The following SUPT3H variants were observed in gnomAD, a reference collection of about 807,000 sequenced individuals.
The protein encoded by SUPT3H is transcription initiation protein SPT3 homolog.
A neutral mutation model predicts 44.3 loss-of-function variants in SUPT3H; 44 were observed. The observed-to-expected ratio is 0.99, with a 90% confidence interval of 0.78 to 1.28. SUPT3H has a LOEUF of 1.28. Ranked by LOEUF, SUPT3H falls within the 50% of genes most tolerant of loss-of-function variation. SUPT3H has a pLI of 0.00. For missense variants in SUPT3H, 380 were observed against 387.1 expected (o/e 0.98, Z 0.15); for synonymous variants, 124 against 125.6 (o/e 0.99, Z 0.09).
intron 5 of SUPT3H, 67 bp downstream of exon 5, chr6:45,014,734 T>A: frequency 8.9e-7 from 1 of 1,129,476 alleles, no homozygotes; most frequent in Non-Finnish European, 1.2e-6. Context: ...TGGAATTGCA[T>A]AAATGTGTTA....
chr6:45,264,386 AC>A (rs1774906970), intron 2 of SUPT3H, among the ~76,000 whole-genome samples: 1 of 152,112 alleles, frequency 6.6e-6, no homozygotes, highest in African/African-American at 2.4e-5. Context: ...CTGGCTGGGC[AC>A]GGTGGCTCAC....
At chr6:44,867,281 A>G (rs1231783179) in intron 10 of SUPT3H, among the ~76,000 whole-genome samples, 2 of 151,706 alleles carry the variant, frequency 1.3e-5, no homozygotes, top group Non-Finnish European at 2.9e-5. Context: ...TCTCCTGAGG[A>G]GCTGGGATTA....
At chr6:45,301,227 T>A (rs544367401) in intron 2 of SUPT3H, among the ~76,000 whole-genome samples, 115 of 152,084 alleles carry the variant, frequency 7.6e-4, no homozygotes, top group Non-Finnish European at 1.4e-3. Context: ...ACTAACAGCA[T>A]CTACTGCAAC....
intron 6 of SUPT3H, among the ~76,000 whole-genome samples, chr6:44,972,365 G>C (rs1777700921): frequency 1.3e-5 from 2 of 152,172 alleles, no homozygotes; most frequent in African/African-American, 4.8e-5. Context: ...CTCATATCCA[G>C]GTCGCACGGA....
At chr6:44,912,508 G>A (rs1767208981) in intron 10 of SUPT3H, among the ~76,000 whole-genome samples, 1 of 152,176 alleles carries the variant, frequency 6.6e-6, no homozygotes, top group Admixed American at 6.5e-5. Context: ...AGGGCACATT[G>A]TAAGAGATGT....
At position 45,092,734 on chromosome 6, in the gene SUPT3H, C is replaced by T. The variant is rs183066049; in HGVS notation, c.186+13188G>A. On this transcript the variant is annotated intron_variant, in intron 3 of 10. Coordinates refer to ENST00000371459, the MANE Select transcript of SUPT3H (RefSeq NM_003599.4). ...CATCGCACTCCAGCCTGGGGAACAA[C>T]GGTGAGACTTCGTCTCAAAAAAAAA... is the stretch of plus-strand genomic sequence containing the variant. Among the ~76,000 whole-genome samples, 1,085 of 121,762 alleles carry T rather than the reference C, an allele frequency of 8.9e-3. 7 individuals carry two copies. Among genetic ancestry groups the T allele is most frequent in the African/African-American group, 0.016 (494 of 30,228 alleles). 79.9% of individuals were successfully genotyped at this position (121,762 alleles called of 152,430 possible).
chr6:45,123,378 T>C (rs559422641), intron 2 of SUPT3H, among the ~76,000 whole-genome samples: 20 of 151,484 alleles, frequency 1.3e-4, no homozygotes, highest in African/African-American at 4.3e-4. Flanking sequence ...TTATTTCTTT[T>C]TTTTTTTTTT....
chr6:45,032,939 C>A (rs1206257197), intron 3 of SUPT3H, among the ~76,000 whole-genome samples: 1 of 152,128 alleles, frequency 6.6e-6, no homozygotes, highest in Non-Finnish European at 1.5e-5. Context: ...TCTGAAGACT[C>A]TGAGTTGTAG....
At chr6:44,953,086 G>A (rs1774559856) in intron 9 of SUPT3H, among the ~76,000 whole-genome samples, 1 of 152,160 alleles carries the variant, frequency 6.6e-6, no homozygotes, top group South Asian at 2.1e-4. Flanking sequence ...AAAGCTAAGT[G>A]AAGCAAGAAA....
chr6:45,365,152 T>C, intron 2 of SUPT3H, 49 bp downstream of exon 2: 2 of 1,132,982 alleles, frequency 1.8e-6, no homozygotes, highest in South Asian at 1.6e-5. Context: ...TCTTTCAACA[T>C]GAATAAATTT....
intron 2 of SUPT3H, among the ~76,000 whole-genome samples, chr6:45,241,207 C>A (rs113392760): frequency 0.011 from 1,375 of 130,354 alleles, 15 homozygotes; most frequent in South Asian, 0.033. Context: ...TGGGAACAGG[C>A]CCCCCCCCAA....
At chr6:45,151,908 G>A (rs139476693) in intron 2 of SUPT3H, among the ~76,000 whole-genome samples, 2 of 152,234 alleles carry the variant, frequency 1.3e-5, no homozygotes, top group Non-Finnish European at 2.9e-5. Context: ...CTCAACAGCA[G>A]CATCTTCTCA....
intron 6 of SUPT3H, among the ~76,000 whole-genome samples, chr6:44,966,771 C>CA (rs1242552982): frequency 2.0e-5 from 3 of 152,084 alleles, no homozygotes; most frequent in Non-Finnish European, 4.4e-5. Flanking sequence ...TAAACTATAA[C>CA]AAAAAAGACA....
chr6:44,868,164 C>T (rs1352879846), intron 10 of SUPT3H, among the ~76,000 whole-genome samples: 2 of 152,168 alleles, frequency 1.3e-5, no homozygotes, highest in African/African-American at 2.4e-5. Flanking sequence ...TTCATTTACA[C>T]TCAACTCACA....
rs565670700 is a variant in SUPT3H, at chr6:44,919,926, T to G, written c.912+12727A>C. Among the ~76,000 whole-genome samples the G allele has an allele frequency of 2.6e-5, 4 of 152,228 alleles. No homozygotes were observed. In the East Asian group the frequency reaches 7.7e-4, roughly 29 times the overall value. ...CCCAGTCTTGCTCTGTTGCCCAGGG[T>G]GGAGTGCAGTGGCGTGATCTCAGCT... On this transcript the variant is annotated intron_variant, in intron 10 of 10. Transcript: ENST00000371459.
intron 2 of SUPT3H, among the ~76,000 whole-genome samples, chr6:45,360,586 T>C (rs1216250260): frequency 6.6e-6 from 1 of 152,174 alleles, no homozygotes; most frequent in Non-Finnish European, 1.5e-5. Context: ...TCACAGCTCA[T>C]ATCTTCATAA....
At chr6:45,185,562 T>C (rs1046699083) in intron 2 of SUPT3H, among the ~76,000 whole-genome samples, 1 of 152,222 alleles carries the variant, frequency 6.6e-6, no homozygotes, top group African/African-American at 2.4e-5. Context: ...TTACAAGTTT[T>C]ACCTAGAAAC....
At chr6:44,963,570 G>T (rs1209865793) in intron 6 of SUPT3H, among the ~76,000 whole-genome samples, 3 of 152,138 alleles carry the variant, frequency 2.0e-5, no homozygotes, top group Non-Finnish European at 4.4e-5. Context: ...TTACTTGGAA[G>T]TATTTTTTGA....
At chr6:45,107,800 G>A (rs149785466) in intron 2 of SUPT3H, among the ~76,000 whole-genome samples, 1,789 of 152,194 alleles carry the variant, frequency 0.012, 29 homozygotes, top group Admixed American at 0.052. Flanking sequence ...AGAGTGAGCA[G>A]GACCAACAAA....
Sources: allele counts gnomAD v4.1 joint callset (sites outside exome capture counted in the v4.1 genomes callset), GRCh38; gene constraint gnomAD v4.1.1; transcripts MANE v1.5; gene names NCBI Gene and HGNC (gene_info 2026-07-23, HGNC 2026-07-21).